Variants in RYR3 observed in about 807,000 individuals in gnomAD.
The protein encoded by RYR3 is ryanodine receptor 3.
In RYR3, 207 loss-of-function variants were observed where a neutral mutation model predicts 584.3. The observed-to-expected ratio is 0.35, with a 90% CI of 0.32 to 0.40. The LOEUF is 0.40. RYR3 is among the 10% of genes least tolerant of loss of function. RYR3 has a pLI of 1.00. For synonymous variants in RYR3, 2,416 were observed against 2,248.5 expected (o/e 1.07, Z -2.11); for missense variants, 5,616 against 6,089.2 (o/e 0.92, Z 2.59).
intron 1 of RYR3, among the ~76,000 whole-genome samples, chr15:33,352,711 G>A (rs903807232): frequency 3.9e-5 from 6 of 152,172 alleles, no homozygotes; most frequent in African/African-American, 1.4e-4. Flanking sequence ...GTTTTACTGG[G>A]AAAGTATTTG....
At position 33,819,722 on chromosome 15, in the gene RYR3, A is replaced by ATAAATAGC. The variant is rs59051907; in HGVS notation, c.10707-34_10707-33insTAAATAGC. On this transcript the variant is annotated intron_variant, in intron 76 of 103. Coordinates refer to ENST00000634891, the MANE Select transcript of RYR3 (RefSeq NM_001036.6). ...AATAAATAAATAAATAAATAAATAA[A>ATAAATAGC]AAGCCTGCTAAATATTTCCTCCATT... is the stretch of plus-strand genomic sequence containing the variant. 9 of 1,191,554 alleles carry ATAAATAGC rather than the reference A, an allele frequency of 7.6e-6. No individual in the cohort carries two copies. In the East Asian group the frequency reaches 8.2e-5, roughly 11 times the overall value. The allele number at this position is 1,191,554 out of a possible 1,614,324, so 73.8% of individuals were successfully genotyped here.
chr15:33,733,152 G>T (rs748090591), intron 48 of RYR3, among the ~76,000 whole-genome samples: 41 of 152,218 alleles, frequency 2.7e-4, no homozygotes, highest in Non-Finnish European at 5.1e-4. Context: ...TGGTGGGAGT[G>T]ACAATGGTAT....
chr15:33,821,919 C>T (rs182676938), intron 80 of RYR3, among the ~76,000 whole-genome samples: 132 of 152,222 alleles, frequency 8.7e-4, no homozygotes, highest in African/African-American at 3.1e-3. Flanking sequence ...TTACTTTAGC[C>T]CTTTATTTTC....
chr15:33,515,078 G>A (rs1311519072), intron 3 of RYR3, among the ~76,000 whole-genome samples: 1 of 152,132 alleles, frequency 6.6e-6, no homozygotes, highest in Non-Finnish European at 1.5e-5. Context: ...GAATACATGT[G>A]ATAATTTAAT....
chr15:33,793,833 G>C (rs12906961), intron 67 of RYR3, among the ~76,000 whole-genome samples: 86,895 of 149,688 alleles, frequency 0.58, 27,214 homozygotes, highest in East Asian at 0.96. Context: ...GTAAATTGTA[G>C]TTACTATTTA....
intron 1 of RYR3, among the ~76,000 whole-genome samples, chr15:33,461,811 A>C (rs2048060610): frequency 6.6e-6 from 1 of 152,116 alleles, no homozygotes; most frequent in African/African-American, 2.4e-5. Flanking sequence ...TTATGTCACC[A>C]TTTCTGCAAA....
chr15:33,359,382 C>A (rs901213308), intron 1 of RYR3, among the ~76,000 whole-genome samples: 1 of 152,124 alleles, frequency 6.6e-6, no homozygotes, highest in African/African-American at 2.4e-5. Flanking sequence ...GACTCTTCAC[C>A]TTCCTCCCTT....
At chr15:33,395,680 T>C (rs1321831480) in intron 1 of RYR3, among the ~76,000 whole-genome samples, 1 of 152,196 alleles carries the variant, frequency 6.6e-6, no homozygotes, top group Non-Finnish European at 1.5e-5. Context: ...AAATCATATC[T>C]GGGTGCTCTG....
intron 2 of RYR3, among the ~76,000 whole-genome samples, chr15:33,485,011 C>T (rs562987258): frequency 1.7e-3 from 263 of 151,912 alleles, no homozygotes; most frequent in Middle Eastern, 3.4e-3. Context: ...GAGAGGAGGG[C>T]CTGGGAAATG....
At chr15:33,513,539 G>A (rs2053224952) in intron 3 of RYR3, among the ~76,000 whole-genome samples, 1 of 152,244 alleles carries the variant, frequency 6.6e-6, no homozygotes, top group South Asian at 2.1e-4. Flanking sequence ...GCAGAGGGCT[G>A]AAATGGTTAT....
chr15:33,759,118 C>T (rs527808112), intron 60 of RYR3, among the ~76,000 whole-genome samples: 1 of 152,138 alleles, frequency 6.6e-6, no homozygotes, highest in Admixed American at 6.5e-5. Context: ...AAAACGACAC[C>T]CATGCAAAAG....
At chr15:33,756,413 G>T in intron 59 of RYR3, 40 bp downstream of exon 59, 1 of 1,408,076 alleles carries the variant, frequency 7.1e-7, no homozygotes, top group African/African-American at 1.4e-5. Context: ...TTTCTTCTTA[G>T]GATCTCTACT....
chr15:33,561,361 T>G (rs2057389082), intron 10 of RYR3, among the ~76,000 whole-genome samples: 3 of 152,134 alleles, frequency 2.0e-5, no homozygotes, highest in Non-Finnish European at 4.4e-5. Context: ...TGAGCAGGGT[T>G]TTGAAGGGTG....
chr15:33,564,117 G>A (rs916299521), intron 11 of RYR3, among the ~76,000 whole-genome samples: 1 of 152,144 alleles, frequency 6.6e-6, no homozygotes, highest in Non-Finnish European at 1.5e-5. Flanking sequence ...GCAGAACTAG[G>A]GCATGGGATC....
intron 1 of RYR3, among the ~76,000 whole-genome samples, chr15:33,366,591 G>A (rs751879417): frequency 4.6e-5 from 7 of 152,156 alleles, no homozygotes; most frequent in Non-Finnish European, 1.0e-4. Context: ...GAGGCAACAG[G>A]GTGCTGTGCC....
rs4779632 is a variant in RYR3 at position 33,680,306 on chromosome 15, G to T, written c.5860+9750G>T. On this transcript the variant is annotated intron_variant, in intron 38 of 103. Coordinates refer to ENST00000634891, the MANE Select transcript of RYR3 (RefSeq NM_001036.6). ...ATCTTTTCAGATGCGTTCAGCAAAC[G>T]AGCAACAGGAAGCCCAACTCAGGTA... Among the ~76,000 whole-genome samples the T allele has an allele frequency of 2.1e-3, 317 of 152,206 alleles. 2 individuals are homozygous for T. Among genetic ancestry groups the T allele is most frequent in the African/African-American group, 7.5e-3 (313 of 41,482 alleles).
At chr15:33,799,379 A>G (rs1330771702) in intron 67 of RYR3, among the ~76,000 whole-genome samples, 1 of 152,094 alleles carries the variant, frequency 6.6e-6, no homozygotes, top group East Asian at 1.9e-4. Context: ...GGGGCTGGAT[A>G]TTGAGTTTAA....
Position 33,662,110 on chromosome 15 carries a change from T to C in RYR3, c.4623-43T>C, listed in dbSNP as rs554815959. Reference sequence around the variant, plus strand: ...GATGAAATAGCTGGATTCTGGTGGGTTCTTCTCCCCCTGGTGTGGCTGATT... The same window carrying C: ...GATGAAATAGCTGGATTCTGGTGGGCTCTTCTCCCCCTGGTGTGGCTGATT... On this transcript the variant is annotated intron_variant, in intron 34 of 103. Transcript: ENST00000634891. 6 of 1,486,190 alleles carry C rather than the reference T, an allele frequency of 4.0e-6. No homozygotes were observed. The East Asian group carries it at 1.2e-4, about 29-fold the overall frequency. 92.1% of individuals were successfully genotyped at this position (1,486,190 alleles called of 1,614,324 possible). A position where few individuals can be genotyped will look rare whatever the true frequency, so the allele number is the denominator to read the frequency against.
intron 1 of RYR3, among the ~76,000 whole-genome samples, chr15:33,355,012 C>T (rs777885196): frequency 1.1e-4 from 16 of 151,924 alleles, no homozygotes; most frequent in African/African-American, 3.6e-4. Flanking sequence ...GGTGAAACCC[C>T]GTCTCTACTA....
Sources: gnomAD v4.1 joint callset for allele counts (sites outside exome capture counted in the v4.1 genomes callset) on GRCh38, gnomAD v4.1.1 for gene constraint, MANE v1.5 for transcripts, NCBI Gene and HGNC (gene_info 2026-07-23, HGNC 2026-07-21) for gene names.